Variants in KCNQ5 observed in about 807,000 individuals in gnomAD.
KCNQ5 encodes the protein potassium voltage-gated channel subfamily KQT member 5.
Under a neutral mutation model 98.2 loss-of-function variants are expected in KCNQ5, and 30 were observed. The observed-to-expected ratio is 0.31, with a 90% CI of 0.23 to 0.41. The LOEUF (loss-of-function observed/expected upper bound fraction) is 0.41, where lower values mean the gene tolerates loss of function less well. Ranked by LOEUF, KCNQ5 falls within the 10% of genes least tolerant of loss-of-function variation. KCNQ5 has a pLI of 1.00. For missense variants in KCNQ5, 835 were observed against 1,182.5 expected (o/e 0.71, Z 4.31); for synonymous variants, 458 against 449.4 (o/e 1.02, Z -0.24).
chr6:72,645,389 GA>G (rs56851973), intron 1 of KCNQ5, among the ~76,000 whole-genome samples: 68,365 of 142,296 alleles, frequency 0.48, 17,720 homozygotes, highest in African/African-American at 0.72. Context: ...TTGTCTCAAG[GA>G]AAAAAAAAAA....
At position 73,195,415 on chromosome 6, in the gene KCNQ5, G is replaced by A. The variant is rs200746129; in HGVS notation, c.*1G>A. 8 of 1,609,312 alleles carry A rather than the reference G, an allele frequency of 5.0e-6. No homozygotes were observed. In the East Asian group the frequency reaches 1.8e-4, roughly 36 times the overall value. ...CTTGCCTCATGTCAAACTGAAATAA[G>A]TTCTTCATTTTCTTTCCAGGCATAG... On this transcript the variant is annotated 3_prime_UTR_variant, in exon 14 of 14. Transcript: ENST00000370398.
intron 1 of KCNQ5, among the ~76,000 whole-genome samples, chr6:72,840,019 A>G (rs1312441967): frequency 1.3e-5 from 2 of 151,882 alleles, no homozygotes; most frequent in Non-Finnish European, 2.9e-5. Flanking sequence ...TTCCCTCCCA[A>G]CCTCTGGTAA....
At chr6:73,094,794 T>C (rs1774409674) in intron 5 of KCNQ5, among the ~76,000 whole-genome samples, 2 of 152,226 alleles carry the variant, frequency 1.3e-5, no homozygotes, top group Admixed American at 1.3e-4. Context: ...AAATCTGCTG[T>C]TAATCTAATA....
chr6:73,105,968 TTG>T (rs1774981776), intron 6 of KCNQ5, among the ~76,000 whole-genome samples: 1 of 152,220 alleles, frequency 6.6e-6, no homozygotes, highest in South Asian at 2.1e-4. Context: ...TTTTATTCTC[TTG>T]TGTCTTTAAA....
At chr6:72,715,111 A>G (rs554259437) in intron 1 of KCNQ5, among the ~76,000 whole-genome samples, 2 of 152,342 alleles carry the variant, frequency 1.3e-5, no homozygotes, top group East Asian at 3.9e-4. Flanking sequence ...TAAATGTTGT[A>G]TTATAAAGAA....
At chr6:72,963,121 T>G (rs541612724) in intron 1 of KCNQ5, among the ~76,000 whole-genome samples, 1 of 152,352 alleles carries the variant, frequency 6.6e-6, no homozygotes, top group Non-Finnish European at 1.5e-5. Flanking sequence ...TTGGTTGAGT[T>G]TATGTGACAA....
intron 10 of KCNQ5, among the ~76,000 whole-genome samples, chr6:73,155,407 A>G (rs189331252): frequency 5.3e-5 from 8 of 152,326 alleles, no homozygotes; most frequent in African/African-American, 1.9e-4. Context: ...AACAAATAAG[A>G]AAAGCAACGA....
At chr6:72,818,215 T>C (rs970167725) in intron 1 of KCNQ5, among the ~76,000 whole-genome samples, 1 of 152,158 alleles carries the variant, frequency 6.6e-6, no homozygotes, top group Non-Finnish European at 1.5e-5. Flanking sequence ...GAAAGGCTGA[T>C]TAATAAAAAG....
chr6:73,012,013 T>C (rs899474270), intron 2 of KCNQ5, among the ~76,000 whole-genome samples: 5 of 152,060 alleles, frequency 3.3e-5, no homozygotes, highest in South Asian at 2.1e-4. Context: ...TTGTTCACAA[T>C]TGGTGGGACT....
chr6:72,747,036 A>G (rs555682660), intron 1 of KCNQ5, among the ~76,000 whole-genome samples: 1 of 152,210 alleles, frequency 6.6e-6, no homozygotes, highest in Non-Finnish European at 1.5e-5. Flanking sequence ...CCTTATATTT[A>G]TGTTCTAGTT....
intron 1 of KCNQ5, among the ~76,000 whole-genome samples, chr6:72,934,165 A>G (rs184445812): frequency 6.6e-6 from 1 of 152,328 alleles, no homozygotes; most frequent in East Asian, 1.9e-4. Context: ...TTTCTCTGAG[A>G]AGGTAGCATT....
At chr6:72,692,539 T>G (rs1475078861) in intron 1 of KCNQ5, among the ~76,000 whole-genome samples, 4 of 152,228 alleles carry the variant, frequency 2.6e-5, no homozygotes, top group Non-Finnish European at 5.9e-5. Flanking sequence ...TTTTTTAATA[T>G]GAGACTCTGC....
At chr6:73,128,759 A>C (rs1776099870) in intron 9 of KCNQ5, among the ~76,000 whole-genome samples, 1 of 152,222 alleles carries the variant, frequency 6.6e-6, no homozygotes, top group African/African-American at 2.4e-5. Context: ...CAGATTTCTG[A>C]GTAGACTAAA....
At chr6:72,667,664 G>A (rs919359865) in intron 1 of KCNQ5, among the ~76,000 whole-genome samples, 2 of 152,178 alleles carry the variant, frequency 1.3e-5, no homozygotes, top group South Asian at 2.1e-4. Context: ...AATGTCAACA[G>A]TAACAGGATA....
At chr6:73,009,444 A>G (rs1205130269) in intron 2 of KCNQ5, among the ~76,000 whole-genome samples, 1 of 152,194 alleles carries the variant, frequency 6.6e-6, no homozygotes, top group Non-Finnish European at 1.5e-5. Flanking sequence ...AAAAAAAGAA[A>G]TATCTCAAAT....
chr6:72,902,788 G>A (rs1779560624), intron 1 of KCNQ5, among the ~76,000 whole-genome samples: 1 of 152,046 alleles, frequency 6.6e-6, no homozygotes, highest in Non-Finnish European at 1.5e-5. Context: ...TCAGGGATGT[G>A]GGTCTGTAGT....
chr6:72,986,953 A>C, intron 1 of KCNQ5: 1 of 828,360 alleles, frequency 1.2e-6, no homozygotes, highest in Non-Finnish European at 2.0e-6. Flanking sequence ...TAACGGAAGC[A>C]GAAGAGCCCC....
At chr6:73,177,653 T>C (rs1236807041) in intron 11 of KCNQ5, among the ~76,000 whole-genome samples, 1 of 152,232 alleles carries the variant, frequency 6.6e-6, no homozygotes, top group Non-Finnish European at 1.5e-5. Context: ...AGCTGTTTAA[T>C]CATCACCAGT....
At position 73,154,258 on chromosome 6, in the gene KCNQ5, C is replaced by T. The variant is rs190547566; in HGVS notation, c.1469-15488C>T. 1.0e-3 allele frequency among the ~76,000 whole-genome samples: 153 copies of T among 152,208 alleles called. 2 individuals carry two copies. The highest frequency in any genetic ancestry group is 3.5e-3 in the African/African-American group (147 of 41,550). On this transcript the variant is annotated intron_variant, in intron 10 of 13. Coordinates refer to ENST00000370398, the MANE Select transcript of KCNQ5 (RefSeq NM_019842.4). ...TTCTAACTCTTAATTTTAAAAAACT[C>T]ACTTGTAAGCTATTACTCCAAATCT...
Sources: allele counts gnomAD v4.1 joint callset (sites outside exome capture counted in the v4.1 genomes callset), GRCh38; gene constraint gnomAD v4.1.1; transcripts MANE v1.5; gene names NCBI Gene and HGNC (gene_info 2026-07-23, HGNC 2026-07-21).